Variants in BUB1 observed in about 807,000 individuals in gnomAD.
BUB1 encodes mitotic checkpoint serine/threonine-protein kinase BUB1.
Under a neutral mutation model 135.2 loss-of-function variants are expected in BUB1, and 84 were observed. The ratio of observed to expected loss-of-function variants is 0.62; its 90% confidence interval spans 0.52 to 0.74. The LOEUF (loss-of-function observed/expected upper bound fraction) is 0.74, where lower values mean the gene tolerates loss of function less well. Ranked by LOEUF, BUB1 falls within the 30% of genes least tolerant of loss-of-function variation. BUB1 has a pLI of 0.00. For synonymous variants in BUB1, 403 were observed against 434.4 expected, an observed-to-expected ratio of 0.93 and a Z score of 0.90; for missense variants, 1,162 against 1,288.3, an observed-to-expected ratio of 0.90 and a Z score of 1.50.
intron 9 of BUB1, chr2:110,665,922 CA>C (rs1333987254): frequency 1.7e-5 from 3 of 176,448 alleles, no homozygotes; most frequent in Non-Finnish European, 2.4e-5. Flanking sequence ...TAATGGCAAA[CA>C]AAAAATATAT....
At chr2:110,665,654 CATAT>C (rs150495060) in intron 9 of BUB1, among the ~76,000 whole-genome samples, 2,955 of 150,030 alleles carry the variant, frequency 0.02, 96 homozygotes, top group African/African-American at 0.069. Context: ...TTCATATATA[CATAT>C]ATACACACCT....
At chr2:110,661,005 T>C (rs894006975) in intron 10 of BUB1, 3 of 152,198 alleles carry the variant, frequency 2.0e-5, no homozygotes, top group African/African-American at 7.2e-5. Flanking sequence ...CAAATCCCTA[T>C]AAAAACGAGC....
chr2:110,655,689 A>C (rs778934677), intron 16 of BUB1, 50 bp downstream of exon 16: 37 of 1,429,994 alleles, frequency 2.6e-5, no homozygotes, highest in Non-Finnish European at 3.0e-5. Context: ...AAGAAAACTG[A>C]AAGAATCAAA....
intron 4 of BUB1, among the ~76,000 whole-genome samples, chr2:110,670,900 G>T (rs1388434899): frequency 6.6e-6 from 1 of 152,002 alleles, no homozygotes; most frequent in African/African-American, 2.4e-5. Flanking sequence ...CCTACTTTAG[G>T]TTCTTTATAC....
At chr2:110,653,693 G>GA (rs1436894816) in intron 16 of BUB1, among the ~76,000 whole-genome samples, 170 bp from the exon 17 acceptor site, 4 of 152,052 alleles carry the variant, frequency 2.6e-5, no homozygotes, top group Non-Finnish European at 4.4e-5. Flanking sequence ...AAAATGGGAG[G>GA]AAAAAATCAC....
In BUB1 at chr2:110,641,091, A is replaced by G. The variant is rs754303544; in HGVS notation, c.2898T>C (p.Cys966=). 6.8e-6 allele frequency: 11 copies of G among 1,611,952 alleles called. No individual in the cohort carries two copies. Among genetic ancestry groups the G allele is most frequent in the South Asian group, 5.5e-5 (5 of 90,464 alleles). ...FPKGTIFTAK[C]ETSGFQCVEM... ...CAACACACTGAAAACCAGATGTTTC[A>G]CACTTTGCTGTGAATATAGTTCCTT... Residue 966 remains cysteine (C), a synonymous_variant, in exon 23 of 25, where the codon TGT becomes TGC. Transcript: ENST00000302759.
intron 24 of BUB1, among the ~76,000 whole-genome samples, 186 bp downstream of exon 24, chr2:110,639,556 G>T (rs558465215): frequency 2.0e-5 from 3 of 152,244 alleles, no homozygotes; most frequent in African/African-American, 7.2e-5. Context: ...AGTGGGGAGA[G>T]AGAAGTGGTA....
At chr2:110,646,213 G>C (rs1265272726) in intron 19 of BUB1, among the ~76,000 whole-genome samples, 1 of 144,600 alleles carries the variant, frequency 6.9e-6, no homozygotes, top group Non-Finnish European at 1.5e-5. Flanking sequence ...GTGCATGACT[G>C]TAGTCCTAAC....
chr2:110,637,546 T>C lies in BUB1; in HGVS notation c.*418A>G, dbSNP rs76529511. On this transcript the variant is annotated 3_prime_UTR_variant, in exon 25 of 25. Coordinates refer to ENST00000302759, the MANE Select transcript of BUB1 (RefSeq NM_004336.5). ...GGTACAATAAAGGACAGGCAAGCTTTATTCATAAAAACTTGAAGTCCCTTG... is the reference window on the plus strand; with the variant it reads ...GGTACAATAAAGGACAGGCAAGCTTCATTCATAAAAACTTGAAGTCCCTTG... Among the ~76,000 whole-genome samples, 35 of 152,024 alleles carry C rather than the reference T, an allele frequency of 2.3e-4. No individual in the cohort carries two copies. In the East Asian group the frequency reaches 6.8e-3, roughly 29 times the overall value.
chr2:110,677,877 G>T, intron 1 of BUB1, 93 bp downstream of exon 1: 1 of 1,430,466 alleles, frequency 7.0e-7, no homozygotes, highest in Non-Finnish European at 9.5e-7. Flanking sequence ...GGGGGCGAAG[G>T]GGGCAAAAGA....
Position 110,641,630 on chromosome 2 carries a change from A to G in BUB1, c.2625+12T>C. 3.1e-6 allele frequency: 5 copies of G among 1,607,862 alleles called. No homozygotes were observed. The highest frequency in any genetic ancestry group is 4.2e-6 in the Non-Finnish European group (5 of 1,178,176). ...TTAAATTCATGTGCTCATCATAAAA[A>G]TGAATACTTACTAATAATGTTCCAT... On this transcript the variant is annotated intron_variant, in intron 21 of 24. Transcript: ENST00000302759.
chr2:110,663,988 C>A (rs1690172025), intron 9 of BUB1, among the ~76,000 whole-genome samples: 1 of 144,908 alleles, frequency 6.9e-6, no homozygotes, highest in Non-Finnish European at 1.5e-5. Context: ...GAGACCATGC[C>A]ACTGCCCTCC....
chr2:110,648,726 A>G lies in BUB1; in HGVS notation c.2347+508T>C, dbSNP rs1689707798. 6.6e-6 allele frequency: 1 copy of G among 152,216 alleles called. No homozygotes were observed. The highest frequency in any genetic ancestry group is 2.1e-4 in the South Asian group (1 of 4,836). 9.4% of individuals were successfully genotyped at this position (152,216 alleles called of 1,614,324 possible). A position where few individuals can be genotyped will look rare whatever the true frequency, so the allele number is the denominator to read the frequency against. On this transcript the variant is annotated intron_variant, in intron 19 of 24. Coordinates refer to ENST00000302759, the MANE Select transcript of BUB1 (RefSeq NM_004336.5). This position sits in a 1 kb window ranked among gnomAD's most constrained non-coding sequence, Gnocchi z 4.2. ...CTTAAAAATAAAGTCTATTCATTAA[A>G]AAACTTAAAAGGGAATATTGTGAAG...
chr2:110,641,704 C>G lies in BUB1; in HGVS notation c.2563G>C (p.Ala855Pro). The G allele has an allele frequency of 6.2e-7, 1 of 1,613,118 alleles. No homozygotes were observed. Among genetic ancestry groups the G allele is most frequent in the Middle Eastern group, 1.6e-4 (1 of 6,062 alleles). The stretch of plus-strand genomic sequence containing the variant: ...ACACTGCCATTCTGGAATAAGTGGG[C>G]AGAATAGAACTTCATAAACATGTGC... The part of the protein sequence containing the change: ...MQHMFMKFYS[A>P]HLFQNGSVLV... The change falls in exon 21 of 25, where the codon GCC becomes CCC. Residue 855 changes from alanine (A) to proline (P), a missense_variant. Physicochemically the swap from Ala to Pro is conservative, Grantham distance 27 (BLOSUM62 -1). Coordinates refer to ENST00000302759, the MANE Select transcript of BUB1 (RefSeq NM_004336.5).
At chr2:110,660,218 A>G (rs1489566490) in intron 10 of BUB1, among the ~76,000 whole-genome samples, 182 bp from the exon 11 acceptor site, 1 of 152,106 alleles carries the variant, frequency 6.6e-6, no homozygotes, top group African/African-American at 2.4e-5. Context: ...CTAAAAATAC[A>G]AAAAAACATT....
intron 10 of BUB1, 93 bp from the exon 11 acceptor site, chr2:110,660,129 TG>T (rs1234348821): frequency 9.3e-7 from 1 of 1,075,422 alleles, no homozygotes; most frequent in African/African-American, 1.6e-5. Flanking sequence ...CCCAGCACTT[TG>T]GGAGGCCGAG....
chr2:110,674,443 A>C, intron 1 of BUB1, 78 bp from the exon 2 acceptor site: 1 of 1,345,580 alleles, frequency 7.4e-7, no homozygotes, highest in Non-Finnish European at 1.1e-6. Flanking sequence ...TTTTATATAT[A>C]CCATTTATGT....
rs190180340 is a variant in BUB1 at position 110,670,647 on chromosome 2, T to C, written c.423-79A>G. 40 of 1,409,710 alleles carry C rather than the reference T, an allele frequency of 2.8e-5. 1 individual carries two copies. The African/African-American group carries it at 3.4e-4, about 12-fold the overall frequency. 87.3% of individuals were successfully genotyped at this position (1,409,710 alleles called of 1,614,324 possible). On this transcript the variant is annotated intron_variant, in intron 4 of 24. Coordinates refer to ENST00000302759, the MANE Select transcript of BUB1 (RefSeq NM_004336.5). ...CTGTTAGAGTGAAAACTAAATACCA[T>C]AGACAACTTATTATAAGCTAGTAAA...
chr2:110,656,481 A>G (rs1306969458), intron 15 of BUB1, among the ~76,000 whole-genome samples: 1 of 152,080 alleles, frequency 6.6e-6, no homozygotes, highest in African/African-American at 2.4e-5. Flanking sequence ...ACTCCGTAGA[A>G]TGTCCCTACA....
Sources: allele counts gnomAD v4.1 joint callset (sites outside exome capture counted in the v4.1 genomes callset), GRCh38; gene constraint gnomAD v4.1.1; non-coding constraint Gnocchi (gnomAD v3.1); transcripts MANE v1.5; gene names NCBI Gene and HGNC (gene_info 2026-07-23, HGNC 2026-07-21).